The following PCSK5 variants were observed in gnomAD, a reference collection of about 807,000 sequenced individuals.
PCSK5 encodes the protein prohormone convertase 5.
A neutral mutation model predicts 233.2 loss-of-function variants in PCSK5; 129 were observed. The observed-to-expected ratio is 0.55, with a 90% CI of 0.48 to 0.64. The LOEUF (loss-of-function observed/expected upper bound fraction) is 0.64, where lower values mean the gene tolerates loss of function less well. Among genes scored for constraint, PCSK5 ranks in the 30% least tolerant of loss-of-function variants. The probability of loss-of-function intolerance (pLI) is 0.00; values close to 1 mark genes in which losing one functional copy is unlikely to be tolerated. For missense variants in PCSK5, 2,076 were observed against 2,430.1 expected (o/e 0.85, Z 3.06); for synonymous variants, 825 against 879.2 (o/e 0.94, Z 1.09).
chr9:76,061,887 T>C (rs1830041979), intron 5 of PCSK5, among the ~76,000 whole-genome samples: 1 of 152,238 alleles, frequency 6.6e-6, no homozygotes, highest in Non-Finnish European at 1.5e-5. Context: ...TTAAAATTTT[T>C]GAAAAATGTT....
At chr9:76,194,581 C>T in intron 20 of PCSK5, 1 of 314,120 alleles carries the variant, frequency 3.2e-6, no homozygotes, top group South Asian at 2.7e-5. Flanking sequence ...CCACTGAATG[C>T]TGAGATGATC....
At chr9:75,950,673 T>C (rs549787315) in intron 2 of PCSK5, among the ~76,000 whole-genome samples, 1 of 152,124 alleles carries the variant, frequency 6.6e-6, no homozygotes, top group South Asian at 2.1e-4. Flanking sequence ...CTGCCCTAAA[T>C]GAGCTCCTGA....
chr9:75,999,537 C>A (rs1827174730), intron 3 of PCSK5, among the ~76,000 whole-genome samples: 1 of 152,230 alleles, frequency 6.6e-6, no homozygotes, highest in Admixed American at 6.5e-5. Context: ...ATAGGTTGGG[C>A]TAGTTAATTG....
intron 3 of PCSK5, among the ~76,000 whole-genome samples, chr9:76,022,659 G>A (rs187924733): frequency 2.6e-5 from 4 of 152,290 alleles, no homozygotes; most frequent in Admixed American, 2.6e-4. Flanking sequence ...AGTAAATTAT[G>A]TCAGGAAAAG....
chr9:76,137,906 T>G (rs1052434639), intron 10 of PCSK5, among the ~76,000 whole-genome samples: 5 of 152,146 alleles, frequency 3.3e-5, no homozygotes, highest in Non-Finnish European at 5.9e-5. Context: ...CTTCCCTTTC[T>G]GCTTAGGAAA....
chr9:76,285,501 T>C (rs1470855304), intron 24 of PCSK5, among the ~76,000 whole-genome samples: 2 of 152,038 alleles, frequency 1.3e-5, no homozygotes, highest in Non-Finnish European at 2.9e-5. Context: ...AGTAACCTAG[T>C]AGGTTCTTGC....
At chr9:75,987,593 A>T (rs1451237876) in intron 3 of PCSK5, among the ~76,000 whole-genome samples, 1 of 152,146 alleles carries the variant, frequency 6.6e-6, no homozygotes, top group African/African-American at 2.4e-5. Flanking sequence ...ATGAAAGGTT[A>T]TGGAAATATT....
At chr9:75,983,498 AAG>A (rs1485593394) in intron 2 of PCSK5, among the ~76,000 whole-genome samples, 1 of 152,192 alleles carries the variant, frequency 6.6e-6, no homozygotes, top group Non-Finnish European at 1.5e-5. Context: ...CCAAGGTCCA[AAG>A]GGAGAGAGTA....
chr9:76,129,497 G>C (rs10125902), intron 9 of PCSK5, among the ~76,000 whole-genome samples: 74,305 of 151,892 alleles, frequency 0.49, 18,446 homozygotes, highest in Admixed American at 0.53. Flanking sequence ...TGTATCTGTT[G>C]TCTTTTTTAT....
chr9:76,108,537 G>A (rs1241192866), intron 9 of PCSK5, among the ~76,000 whole-genome samples: 6 of 152,150 alleles, frequency 3.9e-5, no homozygotes, highest in African/African-American at 9.7e-5. Flanking sequence ...GGTGGATCAC[G>A]AGGTCAAGAG....
At chr9:76,041,493 T>C (rs1829113607) in intron 5 of PCSK5, among the ~76,000 whole-genome samples, 1 of 152,198 alleles carries the variant, frequency 6.6e-6, no homozygotes. Context: ...TCTGAATGTG[T>C]TTTGCCTCTG....
At chr9:76,277,754 C>A (rs149689054) in intron 24 of PCSK5, among the ~76,000 whole-genome samples, 1 of 152,168 alleles carries the variant, frequency 6.6e-6, no homozygotes, top group Admixed American at 6.5e-5. Flanking sequence ...GTCAGAGGAT[C>A]CATTTTGTAT....
chr9:76,184,688 G>T lies in PCSK5; in HGVS notation c.2213G>T (p.Arg738Leu). ...SYQDTKKNLC[R>L]KCSENCKTCT... ...TTTTTAACAGAGAAAAATCTTTGCC[G>T]GAAATGCAGTGAAAACTGCAAGACA... is the stretch of plus-strand genomic sequence containing the variant. The change falls in exon 17 of 38, where the codon CGG becomes CTG. Residue 738 changes from arginine (R) to leucine (L), a missense_variant. This residue lies in a region of PCSK5 where 1,510 missense variants were observed against 1,538.1 expected (regional missense o/e 0.98). Coordinates refer to ENST00000674117, the MANE Select transcript of PCSK5 (RefSeq NM_001372043.1). 6.2e-7 allele frequency: 1 copy of T among 1,607,962 alleles called. No homozygotes were observed. The highest frequency in any genetic ancestry group is 1.1e-5 in the South Asian group (1 of 90,632).
chr9:76,122,084 A>G lies in PCSK5; in HGVS notation c.1209-12025A>G, dbSNP rs1832665040. 1.3e-5 allele frequency among the ~76,000 whole-genome samples: 2 copies of G among 148,720 alleles called. 1 individual carries two copies. The highest frequency in any genetic ancestry group is 3.0e-5 in the Non-Finnish European group (2 of 66,854). ...GTGATCCGCCCGCCTCGGCCTCCCA[A>G]AGTGCTGGGATTACAGGCGTGAGCC... On this transcript the variant is annotated intron_variant, in intron 9 of 37. Coordinates refer to ENST00000674117, the MANE Select transcript of PCSK5 (RefSeq NM_001372043.1).
intron 2 of PCSK5, among the ~76,000 whole-genome samples, chr9:75,963,044 C>T (rs1825423278): frequency 6.6e-6 from 1 of 152,234 alleles, no homozygotes; most frequent in African/African-American, 2.4e-5. Context: ...GCCAACCACA[C>T]TCCTAATACT....
At chr9:76,196,920 A>G (rs555922760) in intron 20 of PCSK5, among the ~76,000 whole-genome samples, 3 of 152,316 alleles carry the variant, frequency 2.0e-5, no homozygotes, top group Admixed American at 2.0e-4. Context: ...AGTACATGCC[A>G]AATCTCAAAT....
intron 32 of PCSK5, among the ~76,000 whole-genome samples, chr9:76,325,132 C>A (rs943922771): frequency 6.6e-6 from 1 of 152,110 alleles, no homozygotes; most frequent in Non-Finnish European, 1.5e-5. Flanking sequence ...AAGGCTGTGT[C>A]CGCATGCAGA....
Position 76,003,586 on chromosome 9 carries a change from G to A in PCSK5, c.411+17341G>A, listed in dbSNP as rs574885885. Among the ~76,000 whole-genome samples the A allele has an allele frequency of 3.9e-5, 6 of 152,286 alleles. No homozygotes were observed. The South Asian group carries it at 1.0e-3, about 26-fold the overall frequency. On this transcript the variant is annotated intron_variant, in intron 3 of 37. Coordinates refer to ENST00000674117, the MANE Select transcript of PCSK5 (RefSeq NM_001372043.1). Reference sequence around the variant, plus strand: ...CTCTGAACTCTGAAATTAAGTTCCAGACATTGTGAAAATACAGTCCAAAAT... The same window carrying A: ...CTCTGAACTCTGAAATTAAGTTCCAAACATTGTGAAAATACAGTCCAAAAT...
intron 5 of PCSK5, among the ~76,000 whole-genome samples, chr9:76,048,426 GAGC>G (rs1243053452): frequency 6.6e-6 from 1 of 152,156 alleles, no homozygotes; most frequent in Non-Finnish European, 1.5e-5. Context: ...TGCAACTTCT[GAGC>G]AGTTGTCTCA....
Sources: allele counts gnomAD v4.1 joint callset (sites outside exome capture counted in the v4.1 genomes callset), GRCh38; gene constraint gnomAD v4.1.1; regional missense constraint gnomAD v4.1.1; transcripts MANE v1.5; gene names NCBI Gene and HGNC (gene_info 2026-07-23, HGNC 2026-07-21).